Variants in HEATR5A observed in about 807,000 individuals in gnomAD.
The protein encoded by HEATR5A is HEAT repeat-containing protein 5A.
HEATR5A carries 178 observed loss-of-function variants against 218.8 expected under a neutral mutation model. The ratio of observed to expected loss-of-function variants is 0.81; its 90% CI spans 0.72 to 0.92. HEATR5A has a LOEUF of 0.92. HEATR5A is among the 40% of genes least tolerant of loss of function. The probability of loss-of-function intolerance (pLI) is 0.00; values close to 1 mark genes in which losing one functional copy is unlikely to be tolerated. For missense variants in HEATR5A, 2,420 were observed against 2,418.9 expected, an observed-to-expected ratio of 1.00 and a Z score of -0.01; for synonymous variants, 864 against 871.6, an observed-to-expected ratio of 0.99 and a Z score of 0.15.
rs778809736 is a variant in HEATR5A, at chr14:31,387,292, A to G, written c.1017T>C (p.Leu339=). The G allele has an allele frequency of 8.7e-6, 14 of 1,613,916 alleles. No homozygotes were observed. The highest frequency in any genetic ancestry group is 1.3e-5 in the African/African-American group (1 of 74,930). Reference sequence around the variant, plus strand: ...TGGCTTTAGGGTGTGACGGTGACGCAAGGCTTAGGATATGAGAAAAAAAGG... The same window carrying G: ...TGGCTTTAGGGTGTGACGGTGACGCGAGGCTTAGGATATGAGAAAAAAAGG... ...FAAFFSHILS[L]ASPSHPKATQ... The change falls in exon 8 of 36, where the codon CTT becomes CTC. Residue 339 remains leucine (L), a synonymous_variant. Transcript: ENST00000543095.
chr14:31,350,146 A>T (rs910910889), intron 17 of HEATR5A, among the ~76,000 whole-genome samples, 167 bp from the exon 18 acceptor site: 1 of 151,624 alleles, frequency 6.6e-6, no homozygotes, highest in African/African-American at 2.4e-5. Context: ...ATATAATTTC[A>T]TTTTTTTTTA....
intron 22 of HEATR5A, among the ~76,000 whole-genome samples, chr14:31,330,139 G>A (rs1436979846): frequency 6.6e-6 from 1 of 152,230 alleles, no homozygotes; most frequent in African/African-American, 2.4e-5. Flanking sequence ...CTTCACCCCT[G>A]CAGCAGACTT....
rs1406294686 is a variant in HEATR5A at position 31,400,438 on chromosome 14, A to G, written c.201T>C (p.Pro67=). The change falls in exon 3 of 36, where the codon CCT becomes CCC. Residue 67 remains proline, a synonymous_variant. Coordinates refer to ENST00000543095, the MANE Select transcript of HEATR5A (RefSeq NM_015473.4). ...GATTCTTAGCAAGCAGTTTGCGGGT[A>G]GGAGGCCCTGGGGAGCTGTTCAACA... is the stretch of plus-strand genomic sequence containing the variant. ...LSLLNSSPGP[P]TRKLLAKNLA... is the part of the protein sequence containing the mutation. 6.5e-7 allele frequency: 1 copy of G among 1,535,900 alleles called. No homozygotes were observed. Among genetic ancestry groups the G allele is most frequent in the African/African-American group, 1.4e-5 (1 of 73,044 alleles).
chr14:31,343,979 C>T lies in HEATR5A; in HGVS notation c.3145G>A (p.Ala1049Thr), dbSNP rs1412755295. Reference sequence around the variant, plus strand: ...TGCTGAAGGCAAGAGATGGCCTGAGCTTGAACAAGGCAGTCTGGGTTATCT... The same window carrying T: ...TGCTGAAGGCAAGAGATGGCCTGAGTTTGAACAAGGCAGTCTGGGTTATCT... ...MQDNPDCLVQ[A>T]QAISCLQQLH... Residue 1049 changes from alanine to threonine, a missense_variant, in exon 21 of 36, where the codon GCT (alanine) becomes ACT (threonine). By Grantham distance (58) the Ala-to-Thr change is moderately conservative (BLOSUM62 0). Transcript: ENST00000543095. 1 of 1,611,816 alleles carries T rather than the reference C, an allele frequency of 6.2e-7. No homozygotes were observed. The highest frequency in any genetic ancestry group is 8.5e-7 in the Non-Finnish European group (1 of 1,178,960).
intron 30 of HEATR5A, among the ~76,000 whole-genome samples, chr14:31,307,274 C>T (rs1157887618): frequency 2.0e-5 from 3 of 152,184 alleles, no homozygotes; most frequent in Non-Finnish European, 4.4e-5. Flanking sequence ...GAGTCAATAA[C>T]AAAAGTAATC....
chr14:31,389,074 A>C, intron 6 of HEATR5A, 69 bp from the exon 7 acceptor site: 2 of 1,367,276 alleles, frequency 1.5e-6, no homozygotes, highest in East Asian at 5.0e-5. Flanking sequence ...CTTGATTTGC[A>C]AAAAGCATGT....
At chr14:31,387,432 C>G in intron 7 of HEATR5A, 57 bp from the exon 8 acceptor site, 2 of 1,223,330 alleles carry the variant, frequency 1.6e-6, no homozygotes, top group East Asian at 2.5e-5. Flanking sequence ...CTGTATTCTC[C>G]CCCACAAAAC....
At chr14:31,334,566 A>G (rs1364127409) in intron 22 of HEATR5A, 4 of 390,234 alleles carry the variant, frequency 1.0e-5, no homozygotes, top group Non-Finnish European at 2.1e-5. Context: ...TCTAACTAAA[A>G]TGCTATCAAA....
In HEATR5A at chr14:31,388,906, CT is replaced by C. The variant is rs1438775264; in HGVS notation, c.871del (p.Ser291ValfsTer5). On this transcript the variant is annotated frameshift_variant, in exon 7 of 36. Coordinates refer to ENST00000543095, the MANE Select transcript of HEATR5A (RefSeq NM_015473.4). LOFTEE classifies it high-confidence loss of function. ...ACTGGTTCCTTTCAGCATATCTCCA[CT>C]GGCTCGAAGGAATCCTGAACTCCCA... ...LRGSSGFLRA[S>X]GDMLKGTSSV... The C allele has an allele frequency of 5.0e-6, 8 of 1,613,904 alleles. No individual in the cohort carries two copies. The highest frequency in any genetic ancestry group is 1.3e-5 in the African/African-American group (1 of 75,030).
In HEATR5A at chr14:31,345,258, G is replaced by A; in HGVS notation, c.2887C>T (p.Leu963=). The A allele has an allele frequency of 6.2e-7, 1 of 1,611,632 alleles. No individual in the cohort carries two copies. Among genetic ancestry groups the A allele is most frequent in the Non-Finnish European group, 8.5e-7 (1 of 1,178,500 alleles). Residue 963 remains leucine, a synonymous_variant, in exon 20 of 36, where the codon CTA becomes TTA. Coordinates refer to ENST00000543095, the MANE Select transcript of HEATR5A (RefSeq NM_015473.4). ...PDVQTWALHS[L]SLIIDSAGPL... The stretch of plus-strand genomic sequence containing the variant: ...CCAGCAGAATCAATGATCAATGATA[G>A]AGAATGTAATGCCCAGGTCTGTAAT...
chr14:31,321,668 A>G lies in HEATR5A; in HGVS notation c.3800T>C (p.Val1267Ala), dbSNP rs960791774. The stretch of plus-strand genomic sequence containing the variant: ...GCGAATTAAGTCAGCAAGATGCAGT[A>G]CCAAAAAGTCATCTATAAGATTAAA... ...KKRDSRNDFL[V>A]LHLADLIRMA... The change falls in exon 25 of 36, where the codon GTA becomes GCA. Residue 1267 changes from valine to alanine, a missense_variant. Physicochemically the swap from Val to Ala is moderately conservative, Grantham distance 64 (BLOSUM62 0). Coordinates refer to ENST00000543095, the MANE Select transcript of HEATR5A (RefSeq NM_015473.4). 7 of 1,590,638 alleles carry G rather than the reference A, an allele frequency of 4.4e-6. No individual in the cohort carries two copies. In the African/African-American group the frequency reaches 9.5e-5, roughly 22 times the overall value.
intron 31 of HEATR5A, among the ~76,000 whole-genome samples, chr14:31,305,474 G>A (rs1490083198): frequency 6.6e-6 from 1 of 152,128 alleles, no homozygotes; most frequent in Non-Finnish European, 1.5e-5. Context: ...TGTTGGTCAG[G>A]CTGGTCTCGA....
In HEATR5A at chr14:31,302,278, C is replaced by A; in HGVS notation, c.5464+17G>T. ...TTTTTAAGACAAACTGAACTGCTTCCAAATAGCCTCAATTACCTGGATCCC... is the reference window on the plus strand; with the variant it reads ...TTTTTAAGACAAACTGAACTGCTTCAAAATAGCCTCAATTACCTGGATCCC... On this transcript the variant is annotated intron_variant, in intron 33 of 35. Coordinates refer to ENST00000543095, the MANE Select transcript of HEATR5A (RefSeq NM_015473.4). 6.5e-7 allele frequency: 1 copy of A among 1,539,260 alleles called. No individual in the cohort carries two copies.
chr14:31,351,907 G>A (rs1171087817), intron 16 of HEATR5A, among the ~76,000 whole-genome samples: 5 of 151,952 alleles, frequency 3.3e-5, no homozygotes, highest in Non-Finnish European at 5.9e-5. Flanking sequence ...AAACCACTGT[G>A]CCTGGTCATT....
At chr14:31,353,609 GAC>G (rs987657427) in intron 16 of HEATR5A, among the ~76,000 whole-genome samples, 2 of 152,082 alleles carry the variant, frequency 1.3e-5, no homozygotes, top group Non-Finnish European at 2.9e-5. Context: ...ATTGGTGCCT[GAC>G]TGTAGACCCA....
Position 31,294,010 on chromosome 14 carries a change from A to G in HEATR5A, c.5714T>C (p.Ile1905Thr), listed in dbSNP as rs760297937. Residue 1905 changes from isoleucine to threonine, a missense_variant, in exon 35 of 36, where the codon ATC becomes ACC. By Grantham distance (89) the Ile-to-Thr change is moderately conservative. Coordinates refer to ENST00000543095, the MANE Select transcript of HEATR5A (RefSeq NM_015473.4). The part of the protein sequence containing the change: ...YPYIYSLASC[I>T]MEKLQEIDKR... ...GTCTATTTCCTGCAGTTTTTCCATG[A>G]TACAGGATGCTAAAGAGTAAATGTA... 19 of 1,604,910 alleles carry G rather than the reference A, an allele frequency of 1.2e-5. No individual in the cohort carries two copies. The highest frequency in any genetic ancestry group is 1.6e-5 in the Non-Finnish European group (19 of 1,175,396).
intron 22 of HEATR5A, among the ~76,000 whole-genome samples, chr14:31,328,934 A>G (rs1397774312): frequency 3.3e-5 from 5 of 151,518 alleles, no homozygotes; most frequent in African/African-American, 4.9e-5. Context: ...GTTCCACATG[A>G]TTGGGGAAGC....
chr14:31,407,043 A>C (rs2031091049), intron 1 of HEATR5A, among the ~76,000 whole-genome samples: 1 of 148,914 alleles, frequency 6.7e-6, no homozygotes, highest in Non-Finnish European at 1.5e-5. Flanking sequence ...TAATCCCAGC[A>C]CTTCGAGAGG....
At chr14:31,412,351 C>T (rs1272115575) in intron 1 of HEATR5A, among the ~76,000 whole-genome samples, 1 of 150,924 alleles carries the variant, frequency 6.6e-6, no homozygotes, top group East Asian at 2.0e-4. Context: ...AATCCCAGCA[C>T]TTTGGGAGGT....
Sources: allele counts gnomAD v4.1 joint callset (sites outside exome capture counted in the v4.1 genomes callset), GRCh38; gene constraint gnomAD v4.1.1; transcripts MANE v1.5; gene names NCBI Gene and HGNC (gene_info 2026-07-23, HGNC 2026-07-21).